Variants in LGSN observed in about 807,000 individuals in gnomAD.
The protein encoded by LGSN is lengsin.
A neutral mutation model predicts 19.5 loss-of-function variants in LGSN; 21 were observed. The observed-to-expected ratio is 1.07, with a 90% CI of 0.76 to 1.55. LGSN has a LOEUF of 1.55. Among genes scored for constraint, LGSN ranks in the 40% most tolerant of loss-of-function variants. The pLI is 0.00. For synonymous variants in LGSN, 257 were observed against 215.6 expected, an observed-to-expected ratio of 1.19 and a Z score of -1.68; for missense variants, 673 against 608.5, an observed-to-expected ratio of 1.11 and a Z score of -1.12.
the LGSN span, among the ~76,000 whole-genome samples, chr6:63,354,104 G>C: frequency 6.6e-6 from 1 of 152,030 alleles, no homozygotes; most frequent in Admixed American, 6.6e-5. Context: ...TTATGGCTAA[G>C]ACCTCAAAAG....
chr6:63,540,522 G>A, the LGSN span, among the ~76,000 whole-genome samples: 2 of 152,098 alleles, frequency 1.3e-5, no homozygotes, highest in Non-Finnish European at 2.9e-5. Flanking sequence ...TCAAGAGGCT[G>A]AGGCATGAGA....
the LGSN span, among the ~76,000 whole-genome samples, chr6:63,483,491 G>C: frequency 1.3e-5 from 2 of 151,680 alleles, no homozygotes; most frequent in African/African-American, 4.8e-5. Context: ...TCAGCCTCCC[G>C]AGTAGCTGGG....
At chr6:63,408,846 C>G in the LGSN span, among the ~76,000 whole-genome samples, 1 of 152,114 alleles carries the variant, frequency 6.6e-6, no homozygotes, top group African/African-American at 2.4e-5. Flanking sequence ...AAAAAACAAA[C>G]AACCCCATCA....
chr6:63,390,751 C>T, the LGSN span, among the ~76,000 whole-genome samples: 9 of 149,420 alleles, frequency 6.0e-5, no homozygotes, highest in Non-Finnish European at 1.0e-4. Context: ...CCCAGCTACT[C>T]GGGAGGCTGA....
the LGSN span, among the ~76,000 whole-genome samples, chr6:63,354,078 G>A: frequency 3.3e-4 from 50 of 152,070 alleles, no homozygotes; most frequent in African/African-American, 1.2e-3. Flanking sequence ...TTAGGGCATT[G>A]GTCTAGGCAA....
At chr6:63,400,357 T>C in the LGSN span, among the ~76,000 whole-genome samples, 15 of 152,150 alleles carry the variant, frequency 9.9e-5, no homozygotes, top group South Asian at 2.1e-4. Flanking sequence ...TTCAGGATTC[T>C]AGGAAAGTGG....
At chr6:63,457,739 C>T in the LGSN span, among the ~76,000 whole-genome samples, 1 of 151,902 alleles carries the variant, frequency 6.6e-6, no homozygotes, top group African/African-American at 2.4e-5. Flanking sequence ...ATTAGCCAGA[C>T]ATGGTAGTGG....
the LGSN span, among the ~76,000 whole-genome samples, chr6:63,518,372 C>T: frequency 2.0e-5 from 3 of 152,100 alleles, no homozygotes; most frequent in African/African-American, 7.2e-5. Context: ...GAGGTCCTGG[C>T]AGAAAAGGCA....
chr6:63,445,217 A>G, the LGSN span, among the ~76,000 whole-genome samples: 8 of 152,162 alleles, frequency 5.3e-5, no homozygotes, highest in African/African-American at 1.9e-4. Flanking sequence ...AGGCTGAGGC[A>G]GGAGAATCAC....
At chr6:63,334,815 C>T in the LGSN span, among the ~76,000 whole-genome samples, 456 of 152,108 alleles carry the variant, frequency 3.0e-3, 3 homozygotes, top group African/African-American at 0.01. Flanking sequence ...GCATACTTAA[C>T]GGCCAGCTGA....
chr6:63,524,482 G>T, the LGSN span, among the ~76,000 whole-genome samples: 2 of 151,948 alleles, frequency 1.3e-5, no homozygotes, highest in Non-Finnish European at 2.9e-5. Context: ...AGAACTTCAA[G>T]GTAGTATATG....
the LGSN span, among the ~76,000 whole-genome samples, chr6:63,423,288 G>A: frequency 1.4e-4 from 21 of 152,208 alleles, no homozygotes; most frequent in African/African-American, 5.1e-4. Flanking sequence ...GAACAGCAGT[G>A]ACCTGCGATT....
upstream of LGSN, among the ~76,000 whole-genome samples, chr6:63,322,448 A>G (rs1249909533): frequency 6.6e-6 from 1 of 152,162 alleles, no homozygotes; most frequent in Non-Finnish European, 1.5e-5. Context: ...CAGCATAAGA[A>G]CATAACAACC....
chr6:63,538,330 A>G, the LGSN span, among the ~76,000 whole-genome samples: 1 of 152,368 alleles, frequency 6.6e-6, no homozygotes, highest in South Asian at 2.1e-4. Context: ...AGTTCAGTGA[A>G]CATTGTTACA....
chr6:63,523,058 T>C, the LGSN span, among the ~76,000 whole-genome samples: 2 of 151,320 alleles, frequency 1.3e-5, no homozygotes, highest in Non-Finnish European at 2.9e-5. Flanking sequence ...AGACATGGGG[T>C]TTCACCTTTT....
chr6:63,470,711 G>T, the LGSN span, among the ~76,000 whole-genome samples: 1 of 151,996 alleles, frequency 6.6e-6, no homozygotes, highest in East Asian at 1.9e-4. Context: ...GGAGCCGCCA[G>T]AGATGGACAT....
chr6:63,352,744 T>C, the LGSN span, among the ~76,000 whole-genome samples: 2 of 152,212 alleles, frequency 1.3e-5, no homozygotes, highest in Non-Finnish European at 2.9e-5. Flanking sequence ...TAGAGACTGT[T>C]CATCTGTCTC....
the LGSN span, among the ~76,000 whole-genome samples, chr6:63,495,305 G>A: frequency 0.013 from 1,922 of 152,032 alleles, 33 homozygotes; most frequent in African/African-American, 0.043. Context: ...GAGGAAATGA[G>A]GCTGAGAGAA....
the LGSN span, among the ~76,000 whole-genome samples, chr6:63,437,124 GGAA>G: frequency 2.4e-5 from 1 of 41,130 alleles, no homozygotes; most frequent in Admixed American, 2.5e-4. Flanking sequence ...AAAGGGAGAA[GGAA>G]AAGAAAGAAA....
Sources: allele counts gnomAD v4.1 joint callset (sites outside exome capture counted in the v4.1 genomes callset), GRCh38; gene constraint gnomAD v4.1.1; transcripts MANE v1.5; gene names NCBI Gene and HGNC (gene_info 2026-07-23, HGNC 2026-07-21).